Variants in FBXL13 observed in about 807,000 individuals in gnomAD.
FBXL13 encodes F-box and leucine-rich repeat protein 13.
Under a neutral mutation model 83.6 loss-of-function variants are expected in FBXL13, and 67 were observed. The ratio of observed to expected loss-of-function variants is 0.80; its 90% CI spans 0.66 to 0.98. The LOEUF is 0.98. Among genes scored for constraint, FBXL13 ranks in the 50% least tolerant of loss-of-function variants. The pLI, the probability that FBXL13 is intolerant of heterozygous loss-of-function variation, is 0.00. For missense variants in FBXL13, 822 were observed against 866.5 expected (o/e 0.95, Z 0.64); for synonymous variants, 272 against 299.5 (o/e 0.91, Z 0.95).
chr7:102,948,955 G>A (rs547369379), intron 8 of FBXL13, among the ~76,000 whole-genome samples: 19 of 152,136 alleles, frequency 1.2e-4, no homozygotes, highest in Non-Finnish European at 2.4e-4. Flanking sequence ...CAAGTGATCC[G>A]CGTGCCTTGG....
At chr7:102,880,620 T>A (rs1809904141) in intron 14 of FBXL13, among the ~76,000 whole-genome samples, 1 of 152,222 alleles carries the variant, frequency 6.6e-6, no homozygotes. Context: ...AATTCCTGTA[T>A]CTGAATTACC....
In FBXL13 at chr7:102,818,225, C is replaced by T. The variant is rs577367070; in HGVS notation, c.2018+3815G>A. ...AAAACAGAGCACGTGTCTACCCTTA[C>T]TGACCACATCCCTTGAATGTCAGAG... is the stretch of plus-strand genomic sequence containing the variant. On this transcript the variant is annotated intron_variant, in intron 19 of 19. Coordinates refer to ENST00000313221, the Ensembl canonical transcript of FBXL13. Among the ~76,000 whole-genome samples the T allele has an allele frequency of 5.3e-5, 8 of 152,338 alleles. No individual in the cohort carries two copies. In the South Asian group the frequency reaches 1.7e-3, roughly 32 times the overall value.
At chr7:103,038,229 G>T (rs534966377) in intron 2 of FBXL13, among the ~76,000 whole-genome samples, 1 of 152,034 alleles carries the variant, frequency 6.6e-6, no homozygotes, top group African/African-American at 2.4e-5. Flanking sequence ...ATCGACCTGC[G>T]ACACTGCAGA....
intron 6 of FBXL13, among the ~76,000 whole-genome samples, chr7:103,016,673 A>T (rs968213474): frequency 5.3e-5 from 8 of 152,080 alleles, no homozygotes; most frequent in Non-Finnish European, 7.4e-5. Flanking sequence ...ACACCAGGAG[A>T]TTATATCCCG....
At chr7:102,952,484 T>C (rs561580213) in intron 8 of FBXL13, among the ~76,000 whole-genome samples, 65 of 152,074 alleles carry the variant, frequency 4.3e-4, no homozygotes, top group Non-Finnish European at 8.7e-4. Flanking sequence ...AAATTAGAAA[T>C]GAAAGTGGGT....
At chr7:102,973,678 C>T (rs1827042475) in intron 6 of FBXL13, 2 of 766,320 alleles carry the variant, frequency 2.6e-6, no homozygotes, top group Non-Finnish European at 4.8e-6. Flanking sequence ...CCCCTCCGCC[C>T]CAGAAAGCAG....
chr7:102,818,297 G>A (rs1469850388), intron 19 of FBXL13, among the ~76,000 whole-genome samples: 1 of 152,194 alleles, frequency 6.6e-6, no homozygotes, highest in East Asian at 1.9e-4. Context: ...GAGCAGCACA[G>A]TATGATTAAG....
chr7:102,869,302 G>T (rs1808203659), intron 16 of FBXL13, among the ~76,000 whole-genome samples: 1 of 152,046 alleles, frequency 6.6e-6, no homozygotes, highest in Admixed American at 6.5e-5. Flanking sequence ...TATCTATTCA[G>T]GTCTTTTGCC....
At chr7:102,888,411 C>T (rs184164724) in intron 11 of FBXL13, among the ~76,000 whole-genome samples, 66 of 152,208 alleles carry the variant, frequency 4.3e-4, no homozygotes, top group African/African-American at 8.0e-4. Flanking sequence ...TGGTGGCACA[C>T]GCCTATAGTC....
At chr7:102,944,517 T>G in intron 8 of FBXL13, 1 of 1,614,088 alleles carries the variant, frequency 6.2e-7, no homozygotes, top group Non-Finnish European at 8.5e-7. Flanking sequence ...CTGAGTCATT[T>G]GACCAAGACA....
At position 102,879,768 on chromosome 7, in the gene FBXL13, A is replaced by G. The variant is rs139731423; in HGVS notation, c.1389-1318T>C. On this transcript the variant is annotated intron_variant, in intron 14 of 19. Transcript: ENST00000313221. ...GTCGCCCAGGCTGGAGTGCAGTGGC[A>G]CGATCTCAGCTCACTACAAGCTCTG... 3.7e-3 allele frequency among the ~76,000 whole-genome samples: 568 copies of G among 152,238 alleles called. 5 individuals carry two copies. Among genetic ancestry groups the G allele is most frequent in the African/African-American group, 0.014 (561 of 41,550 alleles).
chr7:102,824,367 G>A (rs1799252230), intron 18 of FBXL13, among the ~76,000 whole-genome samples: 1 of 152,078 alleles, frequency 6.6e-6, no homozygotes, highest in Non-Finnish European at 1.5e-5. Context: ...GCAAAGGAAA[G>A]CAATTACACA....
At chr7:102,950,271 C>G (rs796273573) in intron 8 of FBXL13, among the ~76,000 whole-genome samples, 14 of 152,208 alleles carry the variant, frequency 9.2e-5, no homozygotes, top group African/African-American at 3.4e-4. Context: ...CAATGAGATA[C>G]CCCCACACAC....
chr7:102,839,072 T>C (rs1008874149), intron 17 of FBXL13, among the ~76,000 whole-genome samples: 14 of 152,208 alleles, frequency 9.2e-5, no homozygotes, highest in Non-Finnish European at 1.5e-4. Flanking sequence ...AATTCTGAGA[T>C]AGGAGAAAAA....
chr7:103,071,387 T>A (rs947037339), intron 1 of FBXL13, among the ~76,000 whole-genome samples: 1 of 152,016 alleles, frequency 6.6e-6, no homozygotes, highest in Non-Finnish European at 1.5e-5. Context: ...TGTTTTTTAA[T>A]TTTTTATTTT....
chr7:102,977,014 C>T (rs1250309878), intron 6 of FBXL13, among the ~76,000 whole-genome samples: 1 of 152,138 alleles, frequency 6.6e-6, no homozygotes, highest in Non-Finnish European at 1.5e-5. Flanking sequence ...ACCTCTTTGC[C>T]TTTACATGGG....
intron 11 of FBXL13, among the ~76,000 whole-genome samples, chr7:102,884,692 T>A (rs1252599374): frequency 6.6e-6 from 1 of 152,180 alleles, no homozygotes; most frequent in African/African-American, 2.4e-5. Context: ...TTACATAAGT[T>A]ATTTAATCAT....
chr7:103,014,610 G>T (rs192651643), intron 6 of FBXL13, among the ~76,000 whole-genome samples: 1 of 152,072 alleles, frequency 6.6e-6, no homozygotes, highest in Non-Finnish European at 1.5e-5. Context: ...GAATATGGAT[G>T]CAAAAATCCT....
At chr7:102,828,609 C>G (rs1208825239) in intron 18 of FBXL13, among the ~76,000 whole-genome samples, 2 of 152,244 alleles carry the variant, frequency 1.3e-5, no homozygotes, top group African/African-American at 4.8e-5. Flanking sequence ...CATGCCTTTC[C>G]ACTCCTAATT....
Sources: gnomAD v4.1 joint callset for allele counts (sites outside exome capture counted in the v4.1 genomes callset) on GRCh38, gnomAD v4.1.1 for gene constraint, MANE v1.5 for transcripts, NCBI Gene and HGNC (gene_info 2026-07-23, HGNC 2026-07-21) for gene names.